RASGRP3: variants seen among roughly 807,000 people sequenced by gnomAD.
RASGRP3 encodes the protein RAS guanyl releasing protein 3, also known as ras guanyl-releasing protein 3.
A neutral mutation model predicts 82.7 loss-of-function variants in RASGRP3; 54 were observed. The observed-to-expected ratio is 0.65, with a 90% confidence interval of 0.52 to 0.82. RASGRP3 has a LOEUF of 0.82. Ranked by LOEUF, RASGRP3 falls within the 40% of genes least tolerant of loss-of-function variation. The pLI is 0.00. For synonymous variants in RASGRP3, 309 were observed against 300.5 expected (o/e 1.03, Z -0.29); for missense variants, 861 against 828.9 (o/e 1.04, Z -0.48).
intron 17 of RASGRP3, chr2:33,559,752 G>C (rs1676445299): frequency 4.7e-6 from 2 of 426,454 alleles, no homozygotes; most frequent in Non-Finnish European, 9.4e-6. Context: ...TTGCCACCCT[G>C]TCGAATTGTT....
upstream of RASGRP3, among the ~76,000 whole-genome samples, chr2:33,475,286 C>G (rs191120500): frequency 5.1e-4 from 78 of 152,270 alleles, 1 homozygote; most frequent in East Asian, 0.011. Flanking sequence ...AATTACTGCC[C>G]TGATAGTATG....
intron 9 of RASGRP3, among the ~76,000 whole-genome samples, chr2:33,525,699 C>CAAAAAAAA (rs1167570668): frequency 1.7e-4 from 9 of 54,406 alleles, no homozygotes; most frequent in Non-Finnish European, 2.7e-4. Flanking sequence ...CCTGTCTCTA[C>CAAAAAAAA]AAAAAAAAAA....
rs370996383 is a variant in RASGRP3 at position 33,470,623 on chromosome 2, C to A, written c.-261+22680C>A. On this transcript the variant is annotated intron_variant, in intron 2 of 18. Transcript: ENST00000402538. ...CTCGATCTCCTGACCTTGTGATCCA[C>A]CCTCCTCGGCCTCCCAAAGTGCTGG... 7.6e-4 allele frequency among the ~76,000 whole-genome samples: 115 copies of A among 152,252 alleles called. 1 individual carries two copies. In the East Asian group the frequency reaches 0.016, roughly 21 times the overall value.
chr2:33,477,879 T>G (rs968249438), intron 1 of RASGRP3, among the ~76,000 whole-genome samples: 3 of 152,264 alleles, frequency 2.0e-5, no homozygotes, highest in Admixed American at 2.0e-4. Context: ...CTGTTTTTAT[T>G]TGAAGTCTCA....
At chr2:33,509,141 G>C (rs565212329) in intron 1 of RASGRP3, among the ~76,000 whole-genome samples, 10 of 151,998 alleles carry the variant, frequency 6.6e-5, no homozygotes, top group African/African-American at 2.2e-4. Context: ...TGGCTCATGC[G>C]TGTAATCCCA....
At chr2:33,525,711 A>AC (rs1304540840) in intron 9 of RASGRP3, among the ~76,000 whole-genome samples, 3 of 148,720 alleles carry the variant, frequency 2.0e-5, no homozygotes, top group East Asian at 3.9e-4. Flanking sequence ...AAAAAAAAAA[A>AC]AAAAAAAAAA....
intron 15 of RASGRP3, 56 bp from the exon 16 acceptor site, chr2:33,558,155 A>T: frequency 1.3e-6 from 2 of 1,579,228 alleles, no homozygotes; most frequent in Non-Finnish European, 1.7e-6. Flanking sequence ...GCCACCCTGG[A>T]AACTGAATCA....
At chr2:33,475,185 T>G (rs921488695), upstream of RASGRP3, among the ~76,000 whole-genome samples, 13 of 152,270 alleles carry the variant, frequency 8.5e-5, no homozygotes, top group Non-Finnish European at 1.2e-4. Flanking sequence ...AGTTTATTTC[T>G]ATTACTAACT....
At chr2:33,525,474 A>C (rs897662506) in intron 9 of RASGRP3, among the ~76,000 whole-genome samples, 1 of 152,036 alleles carries the variant, frequency 6.6e-6, no homozygotes, top group African/African-American at 2.4e-5. Flanking sequence ...AAAGATTCTC[A>C]TATAAGAGTG....
At chr2:33,544,009 C>G (rs1354575872) in intron 13 of RASGRP3, among the ~76,000 whole-genome samples, 1 of 152,094 alleles carries the variant, frequency 6.6e-6, no homozygotes, top group African/African-American at 2.4e-5. Flanking sequence ...TCTTAAAATT[C>G]ATGAAGATTT....
At chr2:33,458,688 G>T (rs993338578) in intron 2 of RASGRP3, among the ~76,000 whole-genome samples, 3 of 152,124 alleles carry the variant, frequency 2.0e-5, no homozygotes. Context: ...CAGAAAATAG[G>T]GTAGAAACAA....
At chr2:33,436,550 A>T (rs1664934051) in exon 1 of RASGRP3, 1 of 152,256 alleles carries the variant, frequency 6.6e-6, no homozygotes, top group Non-Finnish European at 1.5e-5. Flanking sequence ...AAAGAAAAAG[A>T]CAATTCACTA....
rs776210676 is a variant in RASGRP3, at chr2:33,549,725, A to T, written c.1516A>T (p.Thr506Ser). 2 of 1,613,946 alleles carry T rather than the reference A, an allele frequency of 1.2e-6. No homozygotes were observed. Among genetic ancestry groups the T allele is most frequent in the South Asian group, 2.2e-5 (2 of 91,034 alleles). Residue 506 changes from threonine (T) to serine (S), a missense_variant, in exon 14 of 18, where the codon ACC becomes TCC. Thr to Ser is a moderately conservative substitution (Grantham distance 58). Transcript: ENST00000403687. ...TCAGGAGATGACCTATCTCAAGCCAACCTTCTGCGAACACTGTGCGGGATT... is the reference window on the plus strand; with the variant it reads ...TCAGGAGATGACCTATCTCAAGCCATCCTTCTGCGAACACTGTGCGGGATT... ...NFQEMTYLKP[T>S]FCEHCAGFLW...
chr2:33,524,153 C>T (rs568659386), intron 8 of RASGRP3, 101 bp downstream of exon 8: 11 of 1,340,812 alleles, frequency 8.2e-6, no homozygotes, highest in Middle Eastern at 1.9e-4. Context: ...ATAAGGGCAT[C>T]GGACAACTAA....
chr2:33,514,875 C>G (rs570921078), intron 2 of RASGRP3, 135 bp from the exon 3 acceptor site: 1 of 452,468 alleles, frequency 2.2e-6, no homozygotes, highest in Non-Finnish European at 4.0e-6. Context: ...TTGATGTAAT[C>G]TCAGTCACTA....
In RASGRP3 at chr2:33,564,443, TCTA is replaced by T. The variant is rs1677027994; in HGVS notation, c.*1713_*1715del. Reference sequence around the variant, plus strand: ...TGTTGGTTTCATGTATATTACACTATCTACTACTATCCATAAATGCAATAATAT... The same window carrying T: ...TGTTGGTTTCATGTATATTACACTATCTACTATCCATAAATGCAATAATAT... On this transcript the variant is annotated 3_prime_UTR_variant, in exon 18 of 18. Coordinates refer to ENST00000403687, the MANE Select transcript of RASGRP3 (RefSeq NM_001139488.2). The T allele has an allele frequency of 6.6e-6, 1 of 152,198 alleles. No individual in the cohort carries two copies. The highest frequency in any genetic ancestry group is 1.5e-5 in the Non-Finnish European group (1 of 68,040). 9.4% of individuals were successfully genotyped at this position (152,198 alleles called of 1,614,324 possible).
intron 2 of RASGRP3, among the ~76,000 whole-genome samples, chr2:33,465,017 A>T (rs150858736): frequency 0.012 from 1,768 of 152,298 alleles, 37 homozygotes; most frequent in African/African-American, 0.04. Context: ...AAAGAGTCAC[A>T]ATTTTCTTAC....
intron 2 of RASGRP3, among the ~76,000 whole-genome samples, chr2:33,512,166 C>T (rs1670985452): frequency 6.6e-6 from 1 of 152,282 alleles, no homozygotes; most frequent in African/African-American, 2.4e-5. Context: ...CAGATTGTAA[C>T]CTGATAGCCC....
intron 1 of RASGRP3, among the ~76,000 whole-genome samples, chr2:33,479,983 G>A (rs999441899): frequency 6.6e-6 from 1 of 151,964 alleles, no homozygotes; most frequent in African/African-American, 2.4e-5. Flanking sequence ...GTTTCTGCAA[G>A]GTCGTTCTGG....
Sources: gnomAD v4.1 joint callset for allele counts (sites outside exome capture counted in the v4.1 genomes callset) on GRCh38, gnomAD v4.1.1 for gene constraint, MANE v1.5 for transcripts, NCBI Gene and HGNC (gene_info 2026-07-23, HGNC 2026-07-21) for gene names.